The following PBX3 variants were observed in gnomAD, a reference collection of about 807,000 sequenced individuals.
PBX3 encodes the protein PBX homeobox 3.
In PBX3, 14 loss-of-function variants were observed where a neutral mutation model predicts 48.5. The ratio of observed to expected loss-of-function variants is 0.29; its 90% CI spans 0.19 to 0.45. PBX3 has a LOEUF of 0.45. Among genes scored for constraint, PBX3 ranks in the 20% least tolerant of loss-of-function variants. The pLI, the probability that PBX3 is intolerant of heterozygous loss-of-function variation, is 1.00. For synonymous variants in PBX3, 210 were observed against 200.3 expected (o/e 1.05, Z -0.41); for missense variants, 386 against 546.7 (o/e 0.71, Z 2.93).
At chr9:125,888,277 T>A (rs1840548386) in intron 2 of PBX3, among the ~76,000 whole-genome samples, 1 of 152,236 alleles carries the variant, frequency 6.6e-6, no homozygotes, top group African/African-American at 2.4e-5. Context: ...TTTTGATCTC[T>A]TCTGTCGTGT....
At chr9:125,843,238 T>C (rs1285681743) in intron 2 of PBX3, among the ~76,000 whole-genome samples, 1 of 152,184 alleles carries the variant, frequency 6.6e-6, no homozygotes, top group Non-Finnish European at 1.5e-5. Context: ...ACTGACATTC[T>C]TACATGGAGT....
At chr9:125,791,297 GT>G (rs1837597091) in intron 2 of PBX3, among the ~76,000 whole-genome samples, 7 of 127,980 alleles carry the variant, frequency 5.5e-5, no homozygotes, top group South Asian at 2.3e-4. Context: ...CTGTCTGTCT[GT>G]CTGTCTATCT....
intron 2 of PBX3, among the ~76,000 whole-genome samples, chr9:125,773,172 T>C (rs914250643): frequency 3.9e-5 from 6 of 152,208 alleles, no homozygotes; most frequent in Non-Finnish European, 5.9e-5. Flanking sequence ...TATGAGACTT[T>C]CGTAGATCAG....
At chr9:125,912,730 T>G (rs1841232098) in intron 2 of PBX3, among the ~76,000 whole-genome samples, 1 of 152,218 alleles carries the variant, frequency 6.6e-6, no homozygotes, top group African/African-American at 2.4e-5. Context: ...ACATACATTT[T>G]GGATTAAAAA....
intron 2 of PBX3, among the ~76,000 whole-genome samples, chr9:125,796,198 C>T (rs376042948): frequency 1.9e-4 from 29 of 152,280 alleles, no homozygotes; most frequent in African/African-American, 5.3e-4. Flanking sequence ...TAAAGTCCAG[C>T]GCCACAGAAA....
intron 2 of PBX3, among the ~76,000 whole-genome samples, chr9:125,786,870 G>A (rs1837471050): frequency 6.6e-6 from 1 of 151,730 alleles, no homozygotes; most frequent in African/African-American, 2.4e-5. Context: ...GATTACAGGT[G>A]CACACCACCA....
intron 2 of PBX3, among the ~76,000 whole-genome samples, chr9:125,870,153 C>T (rs554120862): frequency 6.6e-6 from 1 of 151,024 alleles, no homozygotes; most frequent in Non-Finnish European, 1.5e-5. Context: ...CCTGCAACCT[C>T]TGTCTCATGG....
intron 3 of PBX3, among the ~76,000 whole-genome samples, chr9:125,917,182 G>C (rs936260661): frequency 6.6e-6 from 1 of 152,106 alleles, no homozygotes; most frequent in Non-Finnish European, 1.5e-5. Context: ...TGGGAGTCCT[G>C]GTGAGTTTTG....
At chr9:125,818,217 A>C (rs1838527337) in intron 2 of PBX3, among the ~76,000 whole-genome samples, 1 of 152,076 alleles carries the variant, frequency 6.6e-6, no homozygotes, top group Non-Finnish European at 1.5e-5. Flanking sequence ...CCAAAAAAAA[A>C]ACAAAAACCA....
intron 2 of PBX3, among the ~76,000 whole-genome samples, chr9:125,784,539 A>G (rs1837410662): frequency 6.6e-6 from 1 of 152,156 alleles, no homozygotes; most frequent in South Asian, 2.1e-4. Context: ...TGTTGCTTGC[A>G]GTGGACTATG....
chr9:125,755,267 A>G (rs1367645949), intron 2 of PBX3, among the ~76,000 whole-genome samples: 1 of 152,118 alleles, frequency 6.6e-6, no homozygotes, highest in Non-Finnish European at 1.5e-5. Context: ...CTGTCTCTAT[A>G]TTAACATTTA....
At chr9:125,837,275 A>G (rs928543988) in intron 2 of PBX3, among the ~76,000 whole-genome samples, 4 of 151,938 alleles carry the variant, frequency 2.6e-5, no homozygotes, top group Non-Finnish European at 5.9e-5. Context: ...TAAGTACATG[A>G]TGGTACATAT....
At chr9:125,935,708 C>G in intron 5 of PBX3, 101 bp downstream of exon 5, 1 of 1,123,780 alleles carries the variant, frequency 8.9e-7, no homozygotes, top group Non-Finnish European at 1.3e-6. Context: ...AATGTTCTAT[C>G]ATCAAAAAAG....
At chr9:125,790,143 C>T (rs1837559172) in intron 2 of PBX3, among the ~76,000 whole-genome samples, 1 of 152,146 alleles carries the variant, frequency 6.6e-6, no homozygotes, top group Non-Finnish European at 1.5e-5. Flanking sequence ...TACTTCTACT[C>T]TTGATATAAG....
intron 2 of PBX3, among the ~76,000 whole-genome samples, chr9:125,812,106 G>A (rs1470653190): frequency 6.6e-6 from 1 of 152,170 alleles, no homozygotes; most frequent in African/African-American, 2.4e-5. Flanking sequence ...TAATCCACAG[G>A]TGCCTTGATC....
intron 2 of PBX3, among the ~76,000 whole-genome samples, chr9:125,907,945 A>G (rs1042155312): frequency 6.6e-6 from 1 of 152,108 alleles, no homozygotes; most frequent in African/African-American, 2.4e-5. Context: ...GGTTATTTTA[A>G]AAATCAAATG....
chr9:125,766,211 A>C (rs10986890), intron 2 of PBX3, among the ~76,000 whole-genome samples: 3,056 of 152,162 alleles, frequency 0.02, 172 homozygotes, highest in East Asian at 0.17. Flanking sequence ...GAGTACATTA[A>C]ATCTGATACT....
intron 3 of PBX3, among the ~76,000 whole-genome samples, chr9:125,919,179 G>T (rs191681370): frequency 2.9e-4 from 44 of 151,726 alleles, no homozygotes; most frequent in Admixed American, 2.2e-3. Flanking sequence ...GATTGCATTT[G>T]AAATGGGAAT....
intron 5 of PBX3, among the ~76,000 whole-genome samples, chr9:125,944,165 A>T (rs775682320): frequency 6.6e-6 from 1 of 152,152 alleles, no homozygotes; most frequent in Non-Finnish European, 1.5e-5. Flanking sequence ...TGATTCTGTG[A>T]TGTTTGCATC....
Sources: allele counts gnomAD v4.1 joint callset (sites outside exome capture counted in the v4.1 genomes callset), GRCh38; gene constraint gnomAD v4.1.1; transcripts MANE v1.5; gene names NCBI Gene and HGNC (gene_info 2026-07-23, HGNC 2026-07-21).